Variants in LMF1 observed in about 807,000 individuals in gnomAD.
The protein encoded by LMF1 is transmembrane protein 112.
LMF1 carries 68 observed loss-of-function variants against 60.6 expected under a neutral mutation model. That is an observed-to-expected ratio of 1.12 (90% CI 0.92 to 1.37). LMF1 has a LOEUF of 1.37. Ranked by LOEUF, LMF1 falls within the 40% of genes most tolerant of loss-of-function variation. The probability of loss-of-function intolerance (pLI) is 0.00; values close to 1 mark genes in which losing one functional copy is unlikely to be tolerated. For missense variants in LMF1, 948 were observed against 767.2 expected (o/e 1.24, Z -2.78); for synonymous variants, 418 against 324.7 (o/e 1.29, Z -3.09).
chr16:973,663 A>G (rs2151501812), upstream of LMF1, among the ~76,000 whole-genome samples: 1 of 152,330 alleles, frequency 6.6e-6, no homozygotes, highest in East Asian at 1.9e-4. Context: ...TTCACTGGCA[A>G]ATGGCTTATT....
chr16:898,123 C>A lies in LMF1; in HGVS notation c.664-5051G>T, dbSNP rs74004018. ...GCTCCTGATGAAGGGGACCCAGGTCCCCCGTGGCTTCACATTGAGGACAAA... is the reference window on the plus strand; with the variant it reads ...GCTCCTGATGAAGGGGACCCAGGTCACCCGTGGCTTCACATTGAGGACAAA... On this transcript the variant is annotated intron_variant, in intron 4 of 10. Transcript: ENST00000262301. 6.0e-3 allele frequency among the ~76,000 whole-genome samples: 908 copies of A among 152,356 alleles called. 10 individuals are homozygous for A. The highest frequency in any genetic ancestry group is 0.02 in the African/African-American group (849 of 41,582).
chr16:862,012 C>G (rs1297614100), intron 10 of LMF1, among the ~76,000 whole-genome samples: 2 of 152,150 alleles, frequency 1.3e-5, no homozygotes, highest in Non-Finnish European at 2.9e-5. Context: ...CACGGGCCTT[C>G]CCAACACTGA....
intron 2 of LMF1, among the ~76,000 whole-genome samples, chr16:936,379 A>G: frequency 8.3e-6 from 1 of 121,152 alleles, no homozygotes; most frequent in Non-Finnish European, 1.7e-5. Context: ...GAGAGGGGGT[A>G]CCCCGTGGGC....
chr16:968,620 A>G (rs1349607438), intron 1 of LMF1: 1 of 152,238 alleles, frequency 6.6e-6, no homozygotes, highest in East Asian at 1.9e-4. Context: ...AAGATGGGAA[A>G]CTGGTTCCTT....
At chr16:956,844 C>CAA (rs34529324) in intron 1 of LMF1, among the ~76,000 whole-genome samples, 3 of 119,502 alleles carry the variant, frequency 2.5e-5, no homozygotes, top group East Asian at 2.5e-4. Flanking sequence ...AACTCCATCT[C>CAA]AAAAAAAAAA....
chr16:928,231 A>G (rs189353233), intron 3 of LMF1, among the ~76,000 whole-genome samples: 1 of 152,264 alleles, frequency 6.6e-6, no homozygotes, highest in East Asian at 1.9e-4. Flanking sequence ...TTTCAGCATA[A>G]CCACAGTCCA....
chr16:860,402 T>C (rs1483646252), intron 10 of LMF1, among the ~76,000 whole-genome samples: 3 of 151,416 alleles, frequency 2.0e-5, no homozygotes, highest in African/African-American at 7.3e-5. Flanking sequence ...TGTGGTGGTG[T>C]GATCTCGGCT....
chr16:901,540 T>C (rs1207981230), intron 4 of LMF1: 1 of 152,274 alleles, frequency 6.6e-6, no homozygotes, highest in African/African-American at 2.4e-5. Context: ...TTCAACGCTG[T>C]GACTTGATGG....
chr16:856,863 A>C (rs909274071), intron 10 of LMF1, among the ~76,000 whole-genome samples: 6 of 152,230 alleles, frequency 3.9e-5, no homozygotes, highest in Non-Finnish European at 7.3e-5. Context: ...ACAGCTGGGC[A>C]TCTTGCACAG....
chr16:865,521 T>A (rs1318609316), intron 10 of LMF1, among the ~76,000 whole-genome samples: 1 of 152,180 alleles, frequency 6.6e-6, no homozygotes, highest in Admixed American at 6.5e-5. Flanking sequence ...GCTCATTTTT[T>A]ATTTTTGTAG....
chr16:959,692 C>T (rs747943659), intron 1 of LMF1, among the ~76,000 whole-genome samples: 14 of 152,340 alleles, frequency 9.2e-5, no homozygotes, highest in South Asian at 4.1e-4. Flanking sequence ...TGTACACAAA[C>T]GCTGCACTCC....
chr16:879,031 C>T (rs991896392), intron 6 of LMF1, among the ~76,000 whole-genome samples: 1 of 151,980 alleles, frequency 6.6e-6, no homozygotes, highest in African/African-American at 2.4e-5. Flanking sequence ...GCCCTCAATG[C>T]AGGGGGCTTG....
chr16:909,203 C>T (rs890376323), intron 4 of LMF1, among the ~76,000 whole-genome samples: 22 of 152,144 alleles, frequency 1.4e-4, no homozygotes, highest in Non-Finnish European at 2.9e-5. Flanking sequence ...GCAGCACTGG[C>T]TAAGGGCTGG....
Position 962,444 on chromosome 16 carries a change from C to A in LMF1, c.194-7778G>T, listed in dbSNP as rs370557755. 6.8e-6 allele frequency among the ~76,000 whole-genome samples: 1 copy of A among 147,562 alleles called. No individual in the cohort carries two copies. On this transcript the variant is annotated intron_variant, in intron 1 of 10. Coordinates refer to ENST00000262301, the MANE Select transcript of LMF1 (RefSeq NM_022773.4). This position sits in a 1 kb window ranked among gnomAD's most constrained non-coding sequence, Gnocchi z 4.5. ...AGCGGCTTCCAGAGGACAGAGCGGG[C>A]GGGAAAGCAGGGACCTGTCAGAGGG...
At chr16:933,884 G>T in intron 3 of LMF1, 1 of 1,113,432 alleles carries the variant, frequency 9.0e-7, no homozygotes, top group Non-Finnish European at 1.2e-6. Flanking sequence ...AGTGCCGTGA[G>T]CACCGTGAAC....
At chr16:944,887 G>A (rs17146072) in intron 2 of LMF1, among the ~76,000 whole-genome samples, 9,854 of 150,936 alleles carry the variant, frequency 0.065, 327 homozygotes, top group Non-Finnish European at 0.073. Context: ...GTACTCTTCG[G>A]AGTCAAAGAA....
intron 3 of LMF1, among the ~76,000 whole-genome samples, chr16:916,688 T>C (rs1256833657): frequency 6.6e-6 from 1 of 152,184 alleles, no homozygotes; most frequent in East Asian, 1.9e-4. Flanking sequence ...AGACCCCACT[T>C]CTCCATGTCT....
intron 10 of LMF1, among the ~76,000 whole-genome samples, chr16:861,264 G>A (rs1312211118): frequency 6.7e-6 from 1 of 150,348 alleles, no homozygotes; most frequent in Non-Finnish European, 1.5e-5. Context: ...GTGTCTGTGT[G>A]TTCATTGCTA....
chr16:974,024 A>AC (rs1405439232), upstream of LMF1, among the ~76,000 whole-genome samples: 2 of 151,956 alleles, frequency 1.3e-5, no homozygotes, highest in African/African-American at 2.4e-5. Context: ...AAAAAAAAAA[A>AC]AAGTAAAATG....
Sources: gnomAD v4.1 joint callset for allele counts (sites outside exome capture counted in the v4.1 genomes callset) on GRCh38, gnomAD v4.1.1 for gene constraint, Gnocchi (gnomAD v3.1) non-coding constraint, MANE v1.5 for transcripts, NCBI Gene and HGNC (gene_info 2026-07-23, HGNC 2026-07-21) for gene names.